Variants in DMD observed in about 807,000 individuals in gnomAD.
The protein encoded by DMD is mutant dystrophin.
In DMD, 63 loss-of-function variants were observed where a neutral mutation model predicts 330.1. The observed-to-expected ratio is 0.19, with a 90% CI of 0.16 to 0.24. The LOEUF is 0.24. Among genes scored for constraint, DMD ranks in the 10% least tolerant of loss-of-function variants. The pLI, the probability that DMD is intolerant of heterozygous loss-of-function variation, is 1.00. For missense variants in DMD, 3,344 were observed against 2,684.1 expected, an observed-to-expected ratio of 1.25 and a Z score of -5.43; for synonymous variants, 1,223 against 959.8, an observed-to-expected ratio of 1.27 and a Z score of -5.07.
At chrX:32,125,999 T>C (rs1267090445) in intron 44 of DMD, among the ~76,000 whole-genome samples, 1 of 112,102 alleles carries the variant, frequency 8.9e-6, no homozygotes, top group African/African-American at 3.2e-5. Flanking sequence ...CTCAGATGCA[T>C]ATTCAGGTCA....
chrX:32,883,846 A>AG (rs768177600), intron 2 of DMD, among the ~76,000 whole-genome samples: 51 of 101,967 alleles, frequency 5.0e-4, no homozygotes, highest in African/African-American at 1.5e-3. Context: ...AAAAAAAAAA[A>AG]AAAAAGAAAA....
At chrX:31,941,801 G>C (rs779766618) in intron 45 of DMD, among the ~76,000 whole-genome samples, 1 of 111,298 alleles carries the variant, frequency 9.0e-6, no homozygotes, top group Non-Finnish European at 1.9e-5. Flanking sequence ...TTCTGTTCCT[G>C]CATTAATTCA....
intron 7 of DMD, among the ~76,000 whole-genome samples, chrX:32,739,884 C>T (rs907876684): frequency 6.4e-5 from 7 of 110,154 alleles, no homozygotes; most frequent in Admixed American, 9.8e-5. Flanking sequence ...CCCAACACTC[C>T]CTGTTTTAAC....
At chrX:32,799,397 G>GA (rs776860908) in intron 7 of DMD, among the ~76,000 whole-genome samples, 1 of 111,062 alleles carries the variant, frequency 9.0e-6, no homozygotes, top group East Asian at 2.8e-4. Context: ...AAGTTACCCT[G>GA]GTAAATAAGT....
In DMD at chrX:32,605,888, A is replaced by T. The variant is rs747828266; in HGVS notation, c.1482+8415T>A. On this transcript the variant is annotated intron_variant, in intron 12 of 78. Coordinates refer to ENST00000357033, the MANE Select transcript of DMD (RefSeq NM_004006.3). ...AGTATGGCTATTATTTGTTTTTTTC[A>T]ATGTCATTTAAAAATTTGTGGGTAC... is the stretch of plus-strand genomic sequence containing the variant. 2.9e-3 allele frequency among the ~76,000 whole-genome samples: 317 copies of T among 110,108 alleles called. 2 individuals are homozygous for T. The highest frequency in any genetic ancestry group is 5.1e-3 in the Non-Finnish European group (267 of 52,044).
At chrX:31,385,039 C>T (rs1602373610) in intron 60 of DMD, among the ~76,000 whole-genome samples, 1 of 112,269 alleles carries the variant, frequency 8.9e-6, no homozygotes, top group South Asian at 3.7e-4. Flanking sequence ...GCTGATAAAA[C>T]ATTAGGCTTT....
chrX:31,888,767 A>G, intron 47 of DMD, among the ~76,000 whole-genome samples: 1 of 112,130 alleles, frequency 8.9e-6, no homozygotes, highest in East Asian at 2.8e-4. Flanking sequence ...TGAAAAATAC[A>G]TTGTGGTTAT....
chrX:32,373,379 C>A (rs752848566), intron 34 of DMD, among the ~76,000 whole-genome samples: 23 of 108,139 alleles, frequency 2.1e-4, no homozygotes, highest in Non-Finnish European at 4.1e-4. Context: ...TAGCTTTCCT[C>A]TAGTTCAGGA....
chrX:32,863,537 T>TATACACACACACACAC (rs766140903), intron 2 of DMD, among the ~76,000 whole-genome samples: 2 of 78,240 alleles, frequency 2.6e-5, no homozygotes, highest in Admixed American at 1.5e-4. Context: ...ATTGTGTTTA[T>TATACACACACACACAC]ACACACACAC....
intron 53 of DMD, among the ~76,000 whole-genome samples, chrX:31,668,079 G>A (rs1039236164): frequency 2.7e-5 from 3 of 111,841 alleles, no homozygotes; most frequent in Non-Finnish European, 5.7e-5. Flanking sequence ...TTGGAGAAAT[G>A]CCTATTCAAA....
At chrX:32,767,480 C>A (rs780849051) in intron 7 of DMD, among the ~76,000 whole-genome samples, 1 of 111,442 alleles carries the variant, frequency 9.0e-6, no homozygotes, top group Admixed American at 9.5e-5. Flanking sequence ...CTTACTTTTT[C>A]TAGACTTATA....
intron 1 of DMD, among the ~76,000 whole-genome samples, chrX:33,139,868 T>TAAAAAAAAAAAAAAAAA (rs3990971): frequency 2.0e-4 from 13 of 64,354 alleles, no homozygotes; most frequent in African/African-American, 1.0e-3. Flanking sequence ...GCCCCATCGC[T>TAAAAAAAAAAAAAAAAA]AAAAAAAAAA....
At chrX:32,806,720 A>C (rs2076971181) in intron 7 of DMD, among the ~76,000 whole-genome samples, 1 of 111,805 alleles carries the variant, frequency 8.9e-6, no homozygotes, top group African/African-American at 3.3e-5. Flanking sequence ...CAAATGCAAA[A>C]GAATGAAAAT....
intron 9 of DMD, among the ~76,000 whole-genome samples, chrX:32,693,136 G>A (rs2063401869): frequency 1.8e-5 from 2 of 111,447 alleles, no homozygotes; most frequent in Admixed American, 1.9e-4. Context: ...TAGCTTTGAA[G>A]TTGAAAGGGG....
chrX:32,829,916 A>T (rs960347486), intron 4 of DMD, among the ~76,000 whole-genome samples: 2 of 111,915 alleles, frequency 1.8e-5, no homozygotes, highest in African/African-American at 3.2e-5. Flanking sequence ...AAGCTTTAAG[A>T]GGCTCTCTCT....
intron 1 of DMD, among the ~76,000 whole-genome samples, chrX:33,281,451 C>T (rs936424738): frequency 3.6e-5 from 4 of 111,385 alleles, no homozygotes; most frequent in Non-Finnish European, 3.8e-5. Flanking sequence ...TCAGGTGATC[C>T]GGTCGCCGGG....
At chrX:32,420,540 T>C (rs2098185476) in intron 29 of DMD, among the ~76,000 whole-genome samples, 1 of 111,846 alleles carries the variant, frequency 8.9e-6, no homozygotes, top group African/African-American at 3.3e-5. Context: ...AGCAAACTAG[T>C]CCTTACAATG....
intron 48 of DMD, among the ~76,000 whole-genome samples, chrX:31,861,944 T>TACACACACAC (rs750851260): frequency 1.8e-4 from 6 of 33,958 alleles, no homozygotes; most frequent in African/African-American, 1.3e-3. Context: ...TAGAAAATAA[T>TACACACACAC]ATACACACAC....
At chrX:32,803,136 A>T (rs1313301987) in intron 7 of DMD, among the ~76,000 whole-genome samples, 1 of 111,597 alleles carries the variant, frequency 9.0e-6, no homozygotes, top group Non-Finnish European at 1.9e-5. Flanking sequence ...TTACTGCCTC[A>T]ATTTCAGAAC....
Sources: gnomAD v4.1 joint callset for allele counts (sites outside exome capture counted in the v4.1 genomes callset) on GRCh38, gnomAD v4.1.1 for gene constraint, MANE v1.5 for transcripts, NCBI Gene and HGNC (gene_info 2026-07-23, HGNC 2026-07-21) for gene names.